SP6: variants seen among roughly 807,000 people sequenced by gnomAD.
SP6 encodes the protein transcription factor Sp6.
A neutral mutation model predicts 23.4 loss-of-function variants in SP6; 10 were observed. The ratio of observed to expected loss-of-function variants is 0.43; its 90% CI spans 0.26 to 0.72. The LOEUF (loss-of-function observed/expected upper bound fraction) is 0.72, where lower values mean the gene tolerates loss of function less well. SP6 is among the 30% of genes least tolerant of loss of function. The pLI, the probability that SP6 is intolerant of heterozygous loss-of-function variation, is 0.23. For synonymous variants in SP6, 238 were observed against 238.7 expected (o/e 1.00, Z 0.03); for missense variants, 482 against 523.8 (o/e 0.92, Z 0.78).
the SP6 span, among the ~76,000 whole-genome samples, chr17:47,862,777 T>A: frequency 6.6e-6 from 1 of 152,206 alleles, no homozygotes; most frequent in Non-Finnish European, 1.5e-5. Flanking sequence ...GTTGTGTAGG[T>A]GCAGAGGAGA....
chr17:47,875,807 A>T, the SP6 span, among the ~76,000 whole-genome samples: 1 of 152,180 alleles, frequency 6.6e-6, no homozygotes, highest in African/African-American at 2.4e-5. Context: ...TTTTGCCCTT[A>T]GACCTCCTTT....
At chr17:47,857,046 G>T (rs1475810759), upstream of SP6, among the ~76,000 whole-genome samples, 1 of 152,012 alleles carries the variant, frequency 6.6e-6, no homozygotes, top group African/African-American at 2.4e-5. Context: ...CCCTGAAGAG[G>T]TAAAAGCTCA....
At chr17:47,865,673 C>T in the SP6 span, among the ~76,000 whole-genome samples, 1 of 152,056 alleles carries the variant, frequency 6.6e-6, no homozygotes, top group Non-Finnish European at 1.5e-5. Flanking sequence ...TCGGAGGGTG[C>T]CTGGGGACTT....
chr17:47,874,262 A>T, the SP6 span, among the ~76,000 whole-genome samples: 3 of 151,578 alleles, frequency 2.0e-5, no homozygotes, highest in South Asian at 2.1e-4. Context: ...AATTTTAAAA[A>T]TTTTTTTCTG....
rs1327827274 is a variant in SP6 at position 47,847,351 on chromosome 17, G to A, written c.1079C>T (p.Pro360Leu). The A allele has an allele frequency of 6.2e-7, 1 of 1,602,102 alleles. No homozygotes were observed. Among genetic ancestry groups the A allele is most frequent in the South Asian group, 1.1e-5 (1 of 90,028 alleles). The stretch of plus-strand genomic sequence containing the variant: ...GGCCTCGCGTTTGCCTTTGCCCCCG[G>A]GGGGCTCCACTGCGCCGCCGGCCTT... Reference protein sequence around the residue: ...EGKAGGAVEPPGGKGKREAEG... With the variant: ...EGKAGGAVEPLGGKGKREAEG... The change falls in exon 2 of 2, where the codon CCC (proline) becomes CTC (leucine). Residue 360 changes from proline to leucine, a missense_variant. This residue lies in a region of SP6 where 101 missense variants were observed against 99.3 expected (regional missense o/e 1.02). Transcript: ENST00000536300.
the SP6 span, among the ~76,000 whole-genome samples, chr17:47,866,912 G>C: frequency 6.6e-6 from 1 of 152,208 alleles, no homozygotes; most frequent in African/African-American, 2.4e-5. Flanking sequence ...GACAGGGAGG[G>C]GGAGGTGAGC....
In SP6 at chr17:47,848,513, T is replaced by C. The variant is rs562809808; in HGVS notation, c.-57-27A>G. On this transcript the variant is annotated intron_variant, in intron 1 of 1. Coordinates refer to ENST00000536300, the MANE Select transcript of SP6 (RefSeq NM_001258248.2). The surrounding 1 kb of genome is among the most constrained non-coding windows in gnomAD (Gnocchi z 5.3). ...TAAAGGAGGCGAAGAAGCAGAAAAG[T>C]AAGGGAAATAACCAGCTCACTTTCC... The C allele has an allele frequency of 1.5e-5, 19 of 1,304,502 alleles. No individual in the cohort carries two copies. In the East Asian group the frequency reaches 4.9e-4, roughly 34 times the overall value. The allele number at this position is 1,304,502 out of a possible 1,614,324, so 80.8% of individuals were successfully genotyped here. A position where few individuals can be genotyped will look rare whatever the true frequency, so the allele number is the denominator to read the frequency against.
intron 1 of SP6, among the ~76,000 whole-genome samples, chr17:47,850,507 T>C (rs1044252736): frequency 2.0e-5 from 3 of 152,066 alleles, no homozygotes; most frequent in Non-Finnish European, 4.4e-5. Flanking sequence ...GGGAACAGGA[T>C]TGAGTGCCAA....
chr17:47,868,122 C>T, the SP6 span, among the ~76,000 whole-genome samples: 1 of 152,188 alleles, frequency 6.6e-6, no homozygotes, highest in South Asian at 2.1e-4. Context: ...CAGCAGCCCA[C>T]AGTGACCACT....
chr17:47,859,563 G>T (rs753959213), upstream of SP6, among the ~76,000 whole-genome samples: 2 of 152,228 alleles, frequency 1.3e-5, no homozygotes, highest in Non-Finnish European at 2.9e-5. Flanking sequence ...GGATGGATAA[G>T]CCACAGCTGA....
chr17:47,863,996 C>T, the SP6 span, among the ~76,000 whole-genome samples: 5 of 147,842 alleles, frequency 3.4e-5, no homozygotes, highest in Non-Finnish European at 7.4e-5. Flanking sequence ...AGCTACCGCG[C>T]CTGGCTTTTT....
At chr17:47,855,914 G>C (rs1424689332), upstream of SP6, 4 of 152,392 alleles carry the variant, frequency 2.6e-5, no homozygotes, top group South Asian at 6.2e-4. Context: ...AGCTGGGAGT[G>C]GGGGCTGGGG....
chr17:47,869,600 AG>A, the SP6 span, among the ~76,000 whole-genome samples: 2 of 152,346 alleles, frequency 1.3e-5, no homozygotes, highest in South Asian at 4.1e-4. Context: ...AGAGTGAAAG[AG>A]GCTGGCTCTA....
At chr17:47,865,686 G>A in the SP6 span, among the ~76,000 whole-genome samples, 2 of 152,138 alleles carry the variant, frequency 1.3e-5, no homozygotes, top group Non-Finnish European at 2.9e-5. Flanking sequence ...GGGGACTTTT[G>A]TTAGCACCTT....
At chr17:47,863,512 G>A in the SP6 span, 1 of 151,828 alleles carries the variant, frequency 6.6e-6, no homozygotes, top group Admixed American at 6.6e-5. Context: ...GCCCTTAAGT[G>A]GGCATAGGAG....
upstream of SP6, among the ~76,000 whole-genome samples, chr17:47,858,328 T>G (rs1330441380): frequency 6.6e-6 from 1 of 152,132 alleles, no homozygotes; most frequent in African/African-American, 2.4e-5. Flanking sequence ...TCCAAGCTAC[T>G]CTTCCTCCCA....
the SP6 span, among the ~76,000 whole-genome samples, chr17:47,870,061 G>C: frequency 6.6e-6 from 1 of 152,184 alleles, no homozygotes; most frequent in Non-Finnish European, 1.5e-5. Flanking sequence ...TCTGGACTGT[G>C]TGTGTGTAGG....
At chr17:47,858,025 G>A (rs988214321), upstream of SP6, among the ~76,000 whole-genome samples, 7 of 151,892 alleles carry the variant, frequency 4.6e-5, no homozygotes, top group Non-Finnish European at 4.4e-5. Context: ...GCTCCTCAGC[G>A]GCTCAGACTC....
chr17:47,863,554 T>C, the SP6 span: 1 of 140,930 alleles, frequency 7.1e-6, no homozygotes, highest in Admixed American at 7.4e-5. Context: ...ACTGGTCCAC[T>C]GGACTTCTTC....
Sources: allele counts gnomAD v4.1 joint callset (sites outside exome capture counted in the v4.1 genomes callset), GRCh38; gene constraint gnomAD v4.1.1; regional missense constraint gnomAD v4.1.1; non-coding constraint Gnocchi (gnomAD v3.1); transcripts MANE v1.5; gene names NCBI Gene and HGNC (gene_info 2026-07-23, HGNC 2026-07-21).